The following SEMA7A variants were observed in gnomAD, a reference collection of about 807,000 sequenced individuals.
The protein encoded by SEMA7A is semaphorin 7A (JohnMiltonHagen blood group).
Under a neutral mutation model 67.5 loss-of-function variants are expected in SEMA7A, and 21 were observed. That is an observed-to-expected ratio of 0.31 (90% CI 0.22 to 0.45). SEMA7A has a LOEUF of 0.45. Ranked by LOEUF, SEMA7A falls within the 20% of genes least tolerant of loss-of-function variation. The probability of loss-of-function intolerance (pLI) is 1.00; values close to 1 mark genes in which losing one functional copy is unlikely to be tolerated. For synonymous variants in SEMA7A, 364 were observed against 368.5 expected, an observed-to-expected ratio of 0.99 and a Z score of 0.14; for missense variants, 774 against 908.6, an observed-to-expected ratio of 0.85 and a Z score of 1.90.
Position 74,433,837 on chromosome 15 carries a change from G to C in SEMA7A, c.82C>G (p.Pro28Ala). 1.5e-6 allele frequency: 2 copies of C among 1,351,924 alleles called. No individual in the cohort carries two copies. Among genetic ancestry groups the C allele is most frequent in the Non-Finnish European group, 1.9e-6 (2 of 1,057,434 alleles). The allele number at this position is 1,351,924 out of a possible 1,614,324, so 83.7% of individuals were successfully genotyped here. The change falls in exon 1 of 14, where the codon CCG (proline) becomes GCG (alanine). Residue 28 changes from proline (P) to alanine (A), a missense_variant. By Grantham distance (27) the Pro-to-Ala change is conservative. Around this residue, in one of 2 missense-constraint regions of SEMA7A, gnomAD observed 347 missense variants for 353.2 expected, o/e 0.98. Transcript: ENST00000261918. ...AGCAGCAGCAGCCGCAGCCGCAGCG[G>C]AAGCCCCAACCGAGCCGGCGGGCCA... is the stretch of plus-strand genomic sequence containing the variant. ...VPGPPARLGL[P>A]LRLRLLLLLW...
intron 10 of SEMA7A, among the ~76,000 whole-genome samples, chr15:74,412,557 A>AT (rs951224144): frequency 1.2e-3 from 183 of 150,226 alleles, no homozygotes; most frequent in Middle Eastern, 6.8e-3. Flanking sequence ...CTTTAAATAC[A>AT]TTTTTTTTTT....
chr15:74,433,700 C>T, intron 1 of SEMA7A, 41 bp downstream of exon 1: 2 of 1,389,884 alleles, frequency 1.4e-6, no homozygotes, highest in Non-Finnish European at 1.8e-6. Flanking sequence ...CCCCGCGCAG[C>T]GTCTGATCCC....
chr15:74,432,182 A>C (rs1421796355), intron 1 of SEMA7A, among the ~76,000 whole-genome samples: 1 of 151,890 alleles, frequency 6.6e-6, no homozygotes, highest in East Asian at 1.9e-4. Flanking sequence ...ATTCCAGAAC[A>C]CTCAGATGTG....
chr15:74,412,086 G>T, intron 10 of SEMA7A, 74 bp from the exon 11 acceptor site: 1 of 1,568,256 alleles, frequency 6.4e-7, no homozygotes, highest in Non-Finnish European at 8.7e-7. Context: ...CTAGGCCGGG[G>T]AGGGGTGGGA....
At chr15:74,424,614 T>C (rs2061027479) in intron 1 of SEMA7A, among the ~76,000 whole-genome samples, 1 of 152,188 alleles carries the variant, frequency 6.6e-6, no homozygotes, top group African/African-American at 2.4e-5. Context: ...GAAGAAGGTT[T>C]GGCTATTGGG....
intron 1 of SEMA7A, among the ~76,000 whole-genome samples, chr15:74,431,947 G>A (rs930982642): frequency 4.6e-5 from 7 of 152,162 alleles, no homozygotes; most frequent in East Asian, 3.9e-4. Context: ...AACTGCGGGC[G>A]GGGGGGTAGG....
At position 74,423,668 on chromosome 15, in the gene SEMA7A, C is replaced by T. The variant is rs1016324686; in HGVS notation, c.179-4716G>A. ...CGCCCACCCACCTTCCAGGTGAGGC[C>T]CTGATCTCCTAGGGGCCTTTAGTGA... On this transcript the variant is annotated intron_variant, in intron 1 of 13. Transcript: ENST00000261918. The surrounding 1 kb of genome is among the most constrained non-coding windows in gnomAD (Gnocchi z 4.1). Among the ~76,000 whole-genome samples the T allele has an allele frequency of 6.6e-6, 1 of 152,162 alleles. No individual in the cohort carries two copies. The highest frequency in any genetic ancestry group is 2.4e-5 in the African/African-American group (1 of 41,424).
intron 1 of SEMA7A, chr15:74,433,490 A>T (rs1241771374): frequency 1.6e-5 from 17 of 1,082,416 alleles, no homozygotes; most frequent in Non-Finnish European, 2.0e-5. Context: ...GCTGCCAGGG[A>T]CTTGGTGCGA....
intron 2 of SEMA7A, among the ~76,000 whole-genome samples, chr15:74,418,570 C>G (rs1199586200): frequency 1.3e-5 from 2 of 152,224 alleles, no homozygotes; most frequent in African/African-American, 4.8e-5. Context: ...CGCAGCAGCG[C>G]TGCCCAGCTG....
At chr15:74,420,499 C>T (rs2060991418) in intron 1 of SEMA7A, among the ~76,000 whole-genome samples, 2 of 152,206 alleles carry the variant, frequency 1.3e-5, no homozygotes, top group Admixed American at 6.5e-5. Flanking sequence ...ACATCACAAA[C>T]AGCCCAACTG....
At chr15:74,412,156 G>C (rs1262106521) in intron 10 of SEMA7A, 144 bp from the exon 11 acceptor site, 4 of 989,414 alleles carry the variant, frequency 4.0e-6, no homozygotes, top group Non-Finnish European at 5.9e-6. Context: ...GAGCGTGACT[G>C]GGGAAGAATG....
intron 6 of SEMA7A, 28 bp from the exon 7 acceptor site, chr15:74,416,742 A>G: frequency 1.2e-6 from 2 of 1,608,424 alleles, no homozygotes; most frequent in Non-Finnish European, 1.7e-6. Context: ...GAGTGGGCGT[A>G]AGGCTGGGAA....
intron 1 of SEMA7A, among the ~76,000 whole-genome samples, chr15:74,425,516 G>A (rs2061037230): frequency 6.6e-6 from 1 of 152,168 alleles, no homozygotes; most frequent in Non-Finnish European, 1.5e-5. Flanking sequence ...CAGATGAGGA[G>A]ACCAAAGCCT....
chr15:74,414,529 C>A lies in SEMA7A; in HGVS notation c.1294+18G>T, dbSNP rs773699900. 6.2e-7 allele frequency: 1 copy of A among 1,612,298 alleles called. No homozygotes were observed. The highest frequency in any genetic ancestry group is 2.2e-5 in the East Asian group (1 of 44,828). The stretch of plus-strand genomic sequence containing the variant: ...CGTTTTTACAAAGCAAACTGAGGGT[C>A]CCGGGGTAGCCTCTCACCTGTAGTT... On this transcript the variant is annotated intron_variant, in intron 10 of 13. Transcript: ENST00000261918. The surrounding 1 kb of genome is among the most constrained non-coding windows in gnomAD (Gnocchi z 4.1).
rs202178027 is a variant in SEMA7A, at chr15:74,432,824, AT to A, written c.178+916del. ...GGGGGCGGGGAGGCATTTGTGTGCA[AT>A]GCAGGGGAGGGGAGATCAGTTCCTC... is the stretch of plus-strand genomic sequence containing the variant. On this transcript the variant is annotated intron_variant, in intron 1 of 13. Coordinates refer to ENST00000261918, the MANE Select transcript of SEMA7A (RefSeq NM_003612.5). Among the ~76,000 whole-genome samples, 454 of 152,064 alleles carry A rather than the reference AT, an allele frequency of 3.0e-3. 6 individuals carry two copies. Among genetic ancestry groups the A allele is most frequent in the East Asian group, 0.025 (127 of 5,146 alleles).
chr15:74,427,142 G>T, intron 1 of SEMA7A: 2 of 883,664 alleles, frequency 2.3e-6, no homozygotes, highest in Non-Finnish European at 2.7e-6. Context: ...AGCCCTCACT[G>T]CCCGTACCTT....
At chr15:74,417,854 C>T (rs775437563) in intron 4 of SEMA7A, 23 bp downstream of exon 4, 1 of 1,612,012 alleles carries the variant, frequency 6.2e-7, no homozygotes, top group Non-Finnish European at 8.5e-7. Flanking sequence ...GCTGATCAGG[C>T]ACATGGGGAG....
chr15:74,418,803 T>A lies in SEMA7A; in HGVS notation c.328A>T (p.Thr110Ser), dbSNP rs2060975156. 5 of 1,613,420 alleles carry A rather than the reference T, an allele frequency of 3.1e-6. No homozygotes were observed. Among genetic ancestry groups the A allele is most frequent in the Non-Finnish European group, 4.2e-6 (5 of 1,179,858 alleles). Residue 110 changes from threonine to serine, a missense_variant and splice_region_variant, in exon 2 of 14, where the codon ACG becomes TCG. Thr to Ser is a moderately conservative substitution (Grantham distance 58, BLOSUM62 1). Around this residue, in one of 2 missense-constraint regions of SEMA7A, gnomAD observed 347 missense variants for 353.2 expected, o/e 0.98. Coordinates refer to ENST00000261918, the MANE Select transcript of SEMA7A (RefSeq NM_003612.5). Reference protein sequence around the residue: ...FPEGKNASVRTVNIGSTKGSC... With the variant: ...FPEGKNASVRSVNIGSTKGSC... ...GTTGGGGGAAGAGAGAGGCTCACCG[T>A]GCGCACAGATGCGTTCTTGCCCTCG...
intron 1 of SEMA7A, among the ~76,000 whole-genome samples, chr15:74,427,002 T>C (rs965587426): frequency 2.0e-5 from 3 of 152,198 alleles, no homozygotes; most frequent in Non-Finnish European, 4.4e-5. Flanking sequence ...CTCATTTCCA[T>C]CTCTGCACTT....
Sources: gnomAD v4.1 joint callset for allele counts (sites outside exome capture counted in the v4.1 genomes callset) on GRCh38, gnomAD v4.1.1 for gene constraint, gnomAD v4.1.1 regional missense constraint, Gnocchi (gnomAD v3.1) non-coding constraint, MANE v1.5 for transcripts, NCBI Gene and HGNC (gene_info 2026-07-23, HGNC 2026-07-21) for gene names.